The following COX15 variants were observed in gnomAD, a reference collection of about 807,000 sequenced individuals.
COX15 encodes heme A synthase COX15.
In COX15, 51 loss-of-function variants were observed where a neutral mutation model predicts 51.9. The observed-to-expected ratio is 0.98, with a 90% CI of 0.78 to 1.24. The LOEUF (loss-of-function observed/expected upper bound fraction) is 1.24. Among genes scored for constraint, COX15 ranks in the 50% most tolerant of loss-of-function variants. The probability of loss-of-function intolerance (pLI) is 0.00; values close to 1 mark genes in which losing one functional copy is unlikely to be tolerated. For missense variants in COX15, 420 were observed against 501.1 expected, an observed-to-expected ratio of 0.84 and a Z score of 1.55; for synonymous variants, 188 against 190.5, an observed-to-expected ratio of 0.99 and a Z score of 0.11.
In COX15 at chr10:99,732,100, T is replaced by A. The variant is rs780287930; in HGVS notation, c.-51A>T. Reference sequence around the variant, plus strand: ...TTCCACAACCCAGGGCTCTGTGGTCTCCCTCCTCCGCCAAGGAAAAGAGAA... The same window carrying A: ...TTCCACAACCCAGGGCTCTGTGGTCACCCTCCTCCGCCAAGGAAAAGAGAA... On this transcript the variant is annotated 5_prime_UTR_variant, in exon 1 of 9. Transcript: ENST00000016171. 3.2e-6 allele frequency: 5 copies of A among 1,586,240 alleles called. No individual in the cohort carries two copies. The highest frequency in any genetic ancestry group is 2.3e-5 in the South Asian group (2 of 87,792).
intron 1 of COX15, 148 bp downstream of exon 1, chr10:99,731,812 G>T: frequency 9.8e-7 from 1 of 1,018,660 alleles, no homozygotes; most frequent in Non-Finnish European, 1.5e-6. Flanking sequence ...TTCCAGATCT[G>T]AACCTAGGGG....
chr10:99,704,699 A>C, the COX15 span: 6 of 1,606,810 alleles, frequency 3.7e-6, no homozygotes, highest in Non-Finnish European at 4.3e-6. Flanking sequence ...GACCAGGACT[A>C]GAGAAGCTTG....
rs1027150532 is a variant in COX15, at chr10:99,711,813, G to A, written c.*2774C>T. 37 of 985,290 alleles carry A rather than the reference G, an allele frequency of 3.8e-5. No individual in the cohort carries two copies. Among genetic ancestry groups the A allele is most frequent in the South Asian group, 4.7e-5 (1 of 21,288 alleles). The allele number at this position is 985,290 out of a possible 1,614,324, so 61.0% of individuals were successfully genotyped here. On this transcript the variant is annotated 3_prime_UTR_variant, in exon 9 of 9. Coordinates refer to ENST00000016171, the MANE Select transcript of COX15 (RefSeq NM_078470.6). ...TTGCTAAGAATCACCTGTGTTAGTC[G>A]GCTTGCATTGCTATAAGGAAATACT...
Position 99,729,554 on chromosome 10 carries a change from T to G in COX15, c.271A>C (p.Arg91=). The G allele has an allele frequency of 6.2e-7, 1 of 1,612,732 alleles. No homozygotes were observed. Among genetic ancestry groups the G allele is most frequent in the Non-Finnish European group, 8.5e-7 (1 of 1,179,798 alleles). The change falls in exon 2 of 9, where the codon AGG becomes CGG. Residue 91 remains arginine, a splice_region_variant and synonymous_variant. Coordinates refer to ENST00000016171, the MANE Select transcript of COX15 (RefSeq NM_078470.6). ...AGAVILGGVT[R]LTESGLSMVD... ...ACTCACTACGAGCAAATTACTTACC[T>G]AGTTACTCCACCAAGAATAACTGCT...
chr10:99,694,438 C>T, the COX15 span, among the ~76,000 whole-genome samples: 2 of 152,074 alleles, frequency 1.3e-5, no homozygotes, highest in African/African-American at 2.4e-5. Context: ...ATCCATTTAT[C>T]AGCTGATGAA....
intron 6 of COX15, 102 bp from the exon 7 acceptor site, chr10:99,718,602 G>A: frequency 8.3e-7 from 1 of 1,204,378 alleles, no homozygotes; most frequent in African/African-American, 1.5e-5. Context: ...TTAAACTAAG[G>A]GAACAGTCAG....
At chr10:99,705,759 G>A in the COX15 span, 1 of 152,300 alleles carries the variant, frequency 6.6e-6, no homozygotes, top group East Asian at 1.9e-4. Flanking sequence ...GAGCAAATTT[G>A]GAATAGATCA....
chr10:99,710,680 TATATA>T, downstream of COX15: 9 of 985,450 alleles, frequency 9.1e-6, no homozygotes, highest in Non-Finnish European at 9.6e-6. Context: ...CATATGCTGA[TATATA>T]ACCCACCATT....
chr10:99,696,848 G>A, the COX15 span, among the ~76,000 whole-genome samples: 3 of 152,156 alleles, frequency 2.0e-5, no homozygotes, highest in African/African-American at 4.8e-5. Flanking sequence ...TAAGTAATTG[G>A]GTGATTGATT....
At chr10:99,704,882 G>T in the COX15 span, 1 of 604,658 alleles carries the variant, frequency 1.7e-6, no homozygotes, top group Non-Finnish European at 2.9e-6. Context: ...AATCTGTGAG[G>T]AACTAAATGA....
At chr10:99,709,329 G>A (rs2036313624), downstream of COX15, 2 of 985,216 alleles carry the variant, frequency 2.0e-6, no homozygotes, top group South Asian at 9.4e-5. Flanking sequence ...GTGGTATGTG[G>A]TGTAATGTTG....
the COX15 span, among the ~76,000 whole-genome samples, chr10:99,694,540 T>G: frequency 3.4e-5 from 5 of 148,306 alleles, no homozygotes; most frequent in Non-Finnish European, 7.4e-5. Context: ...GTTTTTTTGT[T>G]TTTTTTTTTT....
chr10:99,714,385 A>C lies in COX15; in HGVS notation c.*202T>G. ...GATTTTCAACATGAAAAGCAGATTT[A>C]AAAGGGAACATTTAGGGTAACCACA... On this transcript the variant is annotated 3_prime_UTR_variant, in exon 9 of 9. Transcript: ENST00000016171. 3 of 1,396,192 alleles carry C rather than the reference A, an allele frequency of 2.1e-6. No homozygotes were observed. The highest frequency in any genetic ancestry group is 2.8e-6 in the Non-Finnish European group (3 of 1,075,348). The allele number at this position is 1,396,192 out of a possible 1,614,324, so 86.5% of individuals were successfully genotyped here. A position where few individuals can be genotyped will look rare whatever the true frequency, so the allele number is the denominator to read the frequency against.
chr10:99,718,544 A>C (rs755768433), intron 6 of COX15, 44 bp from the exon 7 acceptor site: 25 of 1,602,696 alleles, frequency 1.6e-5, no homozygotes, highest in Non-Finnish European at 2.1e-5. Flanking sequence ...GAGAGGAAGA[A>C]GAGACCAAAT....
chr10:99,709,953 C>T, downstream of COX15: 2 of 985,394 alleles, frequency 2.0e-6, no homozygotes, highest in Non-Finnish European at 2.4e-6. Context: ...ACTACAAGGG[C>T]TTTCACTTTT....
At chr10:99,717,434 C>G (rs2036612119) in intron 7 of COX15, among the ~76,000 whole-genome samples, 1 of 152,172 alleles carries the variant, frequency 6.6e-6, no homozygotes, top group South Asian at 2.1e-4. Context: ...TGGTCTTGAA[C>G]TCTTGGGCTC....
chr10:99,711,959 A>G lies in COX15; in HGVS notation c.*2628T>C. 5 of 431,386 alleles carry G rather than the reference A, an allele frequency of 1.2e-5. No homozygotes were observed. Among genetic ancestry groups the G allele is most frequent in the Non-Finnish European group, 1.5e-5 (5 of 323,430 alleles). 26.7% of individuals were successfully genotyped at this position (431,386 alleles called of 1,614,324 possible). On this transcript the variant is annotated 3_prime_UTR_variant, in exon 9 of 9. Coordinates refer to ENST00000016171, the MANE Select transcript of COX15 (RefSeq NM_078470.6). ...CTCACGAAGCTTACAATCATGGCAG[A>G]AGGTGAAGGGGAGCCAGTGTGTCAC... is the stretch of plus-strand genomic sequence containing the variant.
At chr10:99,708,527 CAA>C (rs2036295980), downstream of COX15, among the ~76,000 whole-genome samples, 1 of 152,104 alleles carries the variant, frequency 6.6e-6, no homozygotes. Flanking sequence ...ATCTATCAAA[CAA>C]AGAGGCTAGA....
At chr10:99,718,542 G>A (rs2036648602) in intron 6 of COX15, 42 bp from the exon 7 acceptor site, 1 of 1,604,412 alleles carries the variant, frequency 6.2e-7, no homozygotes, top group African/African-American at 1.3e-5. Flanking sequence ...ATGAGAGGAA[G>A]AAGAGACCAA....
Sources: gnomAD v4.1 joint callset for allele counts (sites outside exome capture counted in the v4.1 genomes callset) on GRCh38, gnomAD v4.1.1 for gene constraint, MANE v1.5 for transcripts, NCBI Gene and HGNC (gene_info 2026-07-23, HGNC 2026-07-21) for gene names.